The following HSF2 variants were observed in gnomAD, a reference collection of about 807,000 sequenced individuals.
The protein encoded by HSF2 is heat shock factor protein 2.
A neutral mutation model predicts 65.0 loss-of-function variants in HSF2; 21 were observed. The observed-to-expected ratio is 0.32, with a 90% CI of 0.23 to 0.47. The LOEUF (loss-of-function observed/expected upper bound fraction) is 0.47. Ranked by LOEUF, HSF2 falls within the 20% of genes least tolerant of loss-of-function variation. The pLI is 1.00. For missense variants in HSF2, 499 were observed against 628.1 expected, an observed-to-expected ratio of 0.79 and a Z score of 2.20; for synonymous variants, 225 against 219.1, an observed-to-expected ratio of 1.03 and a Z score of -0.24.
intron 10 of HSF2, among the ~76,000 whole-genome samples, chr6:122,424,373 G>A (rs1774298245): frequency 6.6e-6 from 1 of 151,832 alleles, no homozygotes; most frequent in African/African-American, 2.4e-5. Flanking sequence ...TTTCTGTTGT[G>A]AACAGTTTTC....
In HSF2 at chr6:122,431,914, G is replaced by A; in HGVS notation, c.1316-11G>A. 1.2e-6 allele frequency: 2 copies of A among 1,603,240 alleles called. No individual in the cohort carries two copies. Among genetic ancestry groups the A allele is most frequent in the South Asian group, 2.2e-5 (2 of 89,328 alleles). ...GCTGGTGATAAAAGAGTGTTTTTCT[G>A]ATCTTTATAGATAAGCAGCTTATCC... On this transcript the variant is annotated splice_polypyrimidine_tract_variant and intron_variant, in intron 12 of 12. Transcript: ENST00000368455.
chr6:122,430,437 G>GA (rs1219016353), intron 11 of HSF2, among the ~76,000 whole-genome samples: 1 of 151,960 alleles, frequency 6.6e-6, no homozygotes. Flanking sequence ...GACGTCTTTG[G>GA]AAAATACCTA....
chr6:122,413,383 T>A, intron 3 of HSF2, 142 bp from the exon 4 acceptor site: 1 of 611,534 alleles, frequency 1.6e-6, no homozygotes, highest in South Asian at 2.2e-5. Flanking sequence ...GTTTATTCTT[T>A]CCCTAGCATT....
chr6:122,404,186 G>GT (rs1293019820), intron 1 of HSF2, among the ~76,000 whole-genome samples: 3 of 152,136 alleles, frequency 2.0e-5, no homozygotes, highest in Non-Finnish European at 4.4e-5. Context: ...TAGGTAGGAG[G>GT]GAGAGAGAGC....
At chr6:122,403,365 G>A (rs1274324848) in intron 1 of HSF2, among the ~76,000 whole-genome samples, 1 of 152,136 alleles carries the variant, frequency 6.6e-6, no homozygotes, top group African/African-American at 2.4e-5. Context: ...CAGCACTTTG[G>A]GAGGCCAAGA....
intron 1 of HSF2, among the ~76,000 whole-genome samples, chr6:122,402,622 G>A (rs1773763762): frequency 6.6e-6 from 1 of 151,226 alleles, no homozygotes; most frequent in African/African-American, 2.4e-5. Flanking sequence ...GCACGATCTC[G>A]GCTCACTGCA....
chr6:122,411,895 C>T (rs1051584683), intron 1 of HSF2, among the ~76,000 whole-genome samples: 5 of 151,806 alleles, frequency 3.3e-5, no homozygotes, highest in East Asian at 3.8e-4. Context: ...TTAGTAACCA[C>T]GTATCTTACT....
intron 1 of HSF2, among the ~76,000 whole-genome samples, chr6:122,409,094 C>CT: frequency 6.6e-6 from 1 of 152,096 alleles, no homozygotes; most frequent in South Asian, 2.1e-4. Flanking sequence ...AGATACCCTA[C>CT]TGTGGATGAA....
rs1693228093 is a variant in HSF2, at chr6:122,419,245, A to G, written c.593+16A>G. The G allele has an allele frequency of 3.8e-6, 5 of 1,330,132 alleles. No homozygotes were observed. Among genetic ancestry groups the G allele is most frequent in the South Asian group, 2.4e-5 (2 of 83,410 alleles). 82.4% of individuals were successfully genotyped at this position (1,330,132 alleles called of 1,614,324 possible). On this transcript the variant is annotated intron_variant, in intron 6 of 12. Transcript: ENST00000368455. The stretch of plus-strand genomic sequence containing the variant: ...AACGTAAAAGGTAAGTTTTTATGAT[A>G]AAGTATTATGTCCTGTATATAGGCA...
chr6:122,410,948 G>GTTT (rs34451736), intron 1 of HSF2, among the ~76,000 whole-genome samples: 79 of 128,888 alleles, frequency 6.1e-4, no homozygotes, highest in Non-Finnish European at 8.0e-4. Context: ...TTGTTTTTGG[G>GTTT]TTTTTTTTTT....
At chr6:122,420,275 A>G (rs1230338895) in intron 7 of HSF2, 53 bp downstream of exon 7, 1 of 1,390,580 alleles carries the variant, frequency 7.2e-7, no homozygotes, top group Non-Finnish European at 1.0e-6. Context: ...ACTAAATTTT[A>G]TTATGGCAGT....
chr6:122,400,978 T>G (rs1417637396), intron 1 of HSF2, among the ~76,000 whole-genome samples: 1 of 152,226 alleles, frequency 6.6e-6, no homozygotes, highest in African/African-American at 2.4e-5. Context: ...TTTATTTACT[T>G]TTGTCTTAAC....
chr6:122,413,422 A>C lies in HSF2; in HGVS notation c.331-103A>C, dbSNP rs1774045611. The C allele has an allele frequency of 1.2e-5, 9 of 780,528 alleles. No individual in the cohort carries two copies. In the South Asian group the frequency reaches 1.6e-4, roughly 14 times the overall value. The allele number at this position is 780,528 out of a possible 1,614,324, so 48.4% of individuals were successfully genotyped here. On this transcript the variant is annotated intron_variant, in intron 3 of 12. Coordinates refer to ENST00000368455, the MANE Select transcript of HSF2 (RefSeq NM_004506.4). ...TCCCGGGCTTTTGGAACCAGATCTCACTTCCTGAACAGGCTACGAAAACCT... is the reference window on the plus strand; with the variant it reads ...TCCCGGGCTTTTGGAACCAGATCTCCCTTCCTGAACAGGCTACGAAAACCT...
At chr6:122,431,806 T>C (rs2114459386) in intron 12 of HSF2, 119 bp from the exon 13 acceptor site, 1 of 804,568 alleles carries the variant, frequency 1.2e-6, no homozygotes, top group East Asian at 2.5e-5. Flanking sequence ...ATGTCATTTC[T>C]TGTTTGGCTA....
intron 1 of HSF2, among the ~76,000 whole-genome samples, chr6:122,400,818 T>C (rs955050930): frequency 2.6e-5 from 4 of 152,234 alleles, no homozygotes; most frequent in African/African-American, 9.6e-5. Context: ...TTGTAGATGA[T>C]CACCTATTGA....
At chr6:122,426,156 G>A (rs975410936) in intron 10 of HSF2, among the ~76,000 whole-genome samples, 3 of 151,804 alleles carry the variant, frequency 2.0e-5, no homozygotes, top group South Asian at 2.1e-4. Flanking sequence ...CTTGAATTAC[G>A]CTGTATTGTC....
intron 5 of HSF2, among the ~76,000 whole-genome samples, 159 bp from the exon 6 acceptor site, chr6:122,419,009 C>T (rs571057824): frequency 2.6e-5 from 4 of 152,126 alleles, no homozygotes; most frequent in South Asian, 2.1e-4. Context: ...TTTCTTTAGA[C>T]GGTGGTTCTA....
chr6:122,426,958 GTAT>G (rs1774351197), intron 10 of HSF2, among the ~76,000 whole-genome samples: 2 of 151,970 alleles, frequency 1.3e-5, no homozygotes, highest in African/African-American at 4.8e-5. Context: ...GATGCCGCTA[GTAT>G]TATACCCGTG....
intron 1 of HSF2, among the ~76,000 whole-genome samples, chr6:122,410,229 A>G (rs1428508195): frequency 1.3e-5 from 2 of 151,952 alleles, no homozygotes; most frequent in African/African-American, 4.8e-5. Flanking sequence ...TAATTAAGAC[A>G]GAATTTAATG....
Sources: gnomAD v4.1 joint callset for allele counts (sites outside exome capture counted in the v4.1 genomes callset) on GRCh38, gnomAD v4.1.1 for gene constraint, MANE v1.5 for transcripts, NCBI Gene and HGNC (gene_info 2026-07-23, HGNC 2026-07-21) for gene names.